The following ATP8A1 variants were observed in gnomAD, a reference collection of about 807,000 sequenced individuals.
The protein encoded by ATP8A1 is ATPase phospholipid transporting 8A1.
A neutral mutation model predicts 177.7 loss-of-function variants in ATP8A1; 90 were observed. The observed-to-expected ratio is 0.51, with a 90% CI of 0.43 to 0.60. The LOEUF is 0.60. ATP8A1 is among the 20% of genes least tolerant of loss of function. The pLI is 0.00. For synonymous variants in ATP8A1, 493 were observed against 485.9 expected, an observed-to-expected ratio of 1.01 and a Z score of -0.19; for missense variants, 1,072 against 1,392.8, an observed-to-expected ratio of 0.77 and a Z score of 3.67.
At chr4:42,631,468 C>T (rs1738724369) in intron 1 of ATP8A1, among the ~76,000 whole-genome samples, 1 of 152,120 alleles carries the variant, frequency 6.6e-6, no homozygotes, top group Non-Finnish European at 1.5e-5. Flanking sequence ...AAGTAACCCA[C>T]CCACCAGTGG....
intron 9 of ATP8A1, among the ~76,000 whole-genome samples, chr4:42,584,414 C>G (rs1020419761): frequency 2.0e-5 from 3 of 152,220 alleles, no homozygotes; most frequent in Non-Finnish European, 4.4e-5. Flanking sequence ...TCCATTTTCT[C>G]AAACTCACTA....
In ATP8A1 at chr4:42,627,121, ATCT is replaced by A. The variant is rs542733423; in HGVS notation, c.50-15_50-13del. 2,220 of 1,583,008 alleles carry A rather than the reference ATCT, an allele frequency of 1.4e-3. 16 individuals are homozygous for A. The African/African-American group carries it at 0.015, about 11-fold the overall frequency. On this transcript the variant is annotated splice_polypyrimidine_tract_variant and intron_variant, in intron 1 of 36. Transcript: ENST00000381668. The stretch of plus-strand genomic sequence containing the variant: ...TGTCTTCTCATAACCTTAAAAAGAG[ATCT>A]TCTTATTGTACAAGAAATGTTTTAT...
rs147745773 is a variant in ATP8A1 at position 42,537,005 on chromosome 4, G to A, written c.1722+6912C>T. Among the ~76,000 whole-genome samples the A allele has an allele frequency of 3.5e-3, 529 of 151,874 alleles. 3 individuals are homozygous for A. Among genetic ancestry groups the A allele is most frequent in the African/African-American group, 0.011 (472 of 41,462 alleles). ...AAATTAGCCAGGCATGGTGGTGCACGCCTGTAATCCCAGCTACTTGGGAGG... is the reference window on the plus strand; with the variant it reads ...AAATTAGCCAGGCATGGTGGTGCACACCTGTAATCCCAGCTACTTGGGAGG... On this transcript the variant is annotated intron_variant, in intron 20 of 36. Coordinates refer to ENST00000381668, the MANE Select transcript of ATP8A1 (RefSeq NM_006095.2).
At chr4:42,579,791 C>A (rs1467663101) in intron 11 of ATP8A1, 22 bp downstream of exon 11, 5 of 1,589,008 alleles carry the variant, frequency 3.1e-6, no homozygotes, top group Non-Finnish European at 4.3e-6. Context: ...TAAAAAAGTG[C>A]AGTAAGCACT....
intron 25 of ATP8A1, among the ~76,000 whole-genome samples, chr4:42,468,803 C>T (rs1310217897): frequency 1.3e-5 from 2 of 152,066 alleles, no homozygotes; most frequent in Non-Finnish European, 2.9e-5. Flanking sequence ...CCCTCAAAAC[C>T]TATGGAAATA....
At chr4:42,593,118 G>A (rs1179983530) in intron 6 of ATP8A1, among the ~76,000 whole-genome samples, 1 of 152,028 alleles carries the variant, frequency 6.6e-6, no homozygotes, top group Admixed American at 6.6e-5. Context: ...TAAGCAGTTG[G>A]TTCAAAATCA....
At chr4:42,624,263 A>G (rs1282734334) in intron 4 of ATP8A1, among the ~76,000 whole-genome samples, 1 of 152,116 alleles carries the variant, frequency 6.6e-6, no homozygotes, top group Non-Finnish European at 1.5e-5. Flanking sequence ...TAATGTTCAA[A>G]TGTACTTTTC....
chr4:42,579,671 C>T, intron 11 of ATP8A1, 142 bp downstream of exon 11: 1 of 802,750 alleles, frequency 1.2e-6, no homozygotes, highest in Non-Finnish European at 1.9e-6. Flanking sequence ...AGAAATCTCA[C>T]TGAAAAATAA....
intron 15 of ATP8A1, among the ~76,000 whole-genome samples, chr4:42,568,430 T>C (rs997657098): frequency 6.6e-5 from 10 of 152,294 alleles, no homozygotes; most frequent in African/African-American, 2.4e-4. Flanking sequence ...AAGGAACATA[T>C]TTCCTGAAAT....
intron 21 of ATP8A1, 51 bp downstream of exon 21, chr4:42,524,712 T>C (rs1405821581): frequency 1.7e-6 from 2 of 1,178,102 alleles, no homozygotes; most frequent in African/African-American, 1.5e-5. Context: ...GTATCAGAAG[T>C]ATATGATTTC....
At chr4:42,426,398 T>C (rs181578040) in intron 33 of ATP8A1, among the ~76,000 whole-genome samples, 4 of 152,304 alleles carry the variant, frequency 2.6e-5, no homozygotes, top group African/African-American at 4.8e-5. Context: ...TGGAAATGTA[T>C]AGACATCTAA....
At chr4:42,471,718 G>C in intron 25 of ATP8A1, 1 of 273,292 alleles carries the variant, frequency 3.7e-6, no homozygotes, top group East Asian at 8.3e-5. Context: ...ATATCATCTA[G>C]TTATATTGAA....
In ATP8A1 at chr4:42,411,728, T is replaced by C. The variant is rs1333668015; in HGVS notation, c.*1188A>G. On this transcript the variant is annotated 3_prime_UTR_variant, in exon 37 of 37. Transcript: ENST00000381668. ...TTACCGGCCTGAGTAAAATCCGCAT[T>C]TTTTAAATGGGGAAAATGTACTACC... The C allele has an allele frequency of 6.6e-6, 1 of 152,158 alleles. No individual in the cohort carries two copies. The highest frequency in any genetic ancestry group is 1.5e-5 in the Non-Finnish European group (1 of 68,020). 9.4% of individuals were successfully genotyped at this position (152,158 alleles called of 1,614,324 possible). A position where few individuals can be genotyped will look rare whatever the true frequency, so the allele number is the denominator to read the frequency against.
chr4:42,556,662 AT>A (rs1371891852), intron 15 of ATP8A1, among the ~76,000 whole-genome samples: 1 of 152,108 alleles, frequency 6.6e-6, no homozygotes, highest in African/African-American at 2.4e-5. Flanking sequence ...TATGTACTTC[AT>A]ACGATATAAA....
At chr4:42,520,141 G>C (rs1725964647) in intron 22 of ATP8A1, among the ~76,000 whole-genome samples, 1 of 152,014 alleles carries the variant, frequency 6.6e-6, no homozygotes, top group Admixed American at 6.6e-5. Context: ...AAAACTCTAG[G>C]GCATCCAGAG....
chr4:42,634,728 A>G (rs1031603077), intron 1 of ATP8A1, among the ~76,000 whole-genome samples: 2 of 152,190 alleles, frequency 1.3e-5, no homozygotes, highest in Non-Finnish European at 2.9e-5. Flanking sequence ...CTGGCTCCTC[A>G]TGCATATGCA....
At chr4:42,570,284 G>C (rs1415055654) in intron 14 of ATP8A1, among the ~76,000 whole-genome samples, 1 of 152,190 alleles carries the variant, frequency 6.6e-6, no homozygotes, top group Non-Finnish European at 1.5e-5. Flanking sequence ...AAGGGCTTTT[G>C]TGCCTGCTTA....
intron 1 of ATP8A1, among the ~76,000 whole-genome samples, chr4:42,633,883 G>GAT (rs1560543094): frequency 6.6e-6 from 1 of 152,186 alleles, no homozygotes; most frequent in East Asian, 1.9e-4. Context: ...CATAAAGGAA[G>GAT]ATAAGGGACA....
At chr4:42,452,488 T>C (rs535184054) in intron 29 of ATP8A1, among the ~76,000 whole-genome samples, 1 of 152,312 alleles carries the variant, frequency 6.6e-6, no homozygotes, top group East Asian at 1.9e-4. Flanking sequence ...AAAGATGTAA[T>C]GCTTTCTCTT....
Sources: gnomAD v4.1 joint callset for allele counts (sites outside exome capture counted in the v4.1 genomes callset) on GRCh38, gnomAD v4.1.1 for gene constraint, MANE v1.5 for transcripts, NCBI Gene and HGNC (gene_info 2026-07-23, HGNC 2026-07-21) for gene names.